Variants in KIAA1217 observed in about 807,000 individuals in gnomAD.
KIAA1217 encodes the protein sickle tail protein homolog.
In KIAA1217, 88 loss-of-function variants were observed where a neutral mutation model predicts 163.9. The ratio of observed to expected loss-of-function variants is 0.54; its 90% CI spans 0.45 to 0.64. KIAA1217 has a LOEUF of 0.64. KIAA1217 is among the 30% of genes least tolerant of loss of function. The pLI is 0.00. For missense variants in KIAA1217, 2,372 were observed against 2,475.0 expected (o/e 0.96, Z 0.88); for synonymous variants, 903 against 923.1 (o/e 0.98, Z 0.39).
chr10:23,819,708 A>G (rs1398401988), intron 1 of KIAA1217, among the ~76,000 whole-genome samples: 1 of 152,218 alleles, frequency 6.6e-6, no homozygotes, highest in African/African-American at 2.4e-5. Flanking sequence ...GCCATTGTAC[A>G]TGGCAATTTG....
At chr10:24,004,893 T>C (rs1202179027) in intron 1 of KIAA1217, among the ~76,000 whole-genome samples, 1 of 152,182 alleles carries the variant, frequency 6.6e-6, no homozygotes, top group East Asian at 1.9e-4. Flanking sequence ...CTGTAAGCTG[T>C]GGAACCAGGA....
intron 2 of KIAA1217, among the ~76,000 whole-genome samples, chr10:24,299,365 A>C (rs2041015489): frequency 2.6e-5 from 4 of 152,116 alleles, no homozygotes. Flanking sequence ...CAAATATCAC[A>C]ATCCTGTAGC....
intron 1 of KIAA1217, among the ~76,000 whole-genome samples, chr10:23,974,062 A>G (rs568280147): frequency 2.9e-4 from 44 of 152,330 alleles, no homozygotes; most frequent in African/African-American, 1.1e-3. Flanking sequence ...ATTTGTATTG[A>G]TTATGCATCT....
chr10:24,193,093 AT>A (rs1589846446), intron 2 of KIAA1217, among the ~76,000 whole-genome samples: 1 of 151,874 alleles, frequency 6.6e-6, no homozygotes, highest in Non-Finnish European at 1.5e-5. Context: ...ATTAAAAAAA[AT>A]TTTTTTGAGA....
chr10:24,410,904 A>G (rs916681374), intron 3 of KIAA1217, among the ~76,000 whole-genome samples: 9 of 152,190 alleles, frequency 5.9e-5, no homozygotes, highest in Non-Finnish European at 1.3e-4. Context: ...TCTGTTTCTC[A>G]CAGTCCTTCG....
chr10:23,849,352 A>G (rs900355818), intron 1 of KIAA1217, among the ~76,000 whole-genome samples: 1 of 152,114 alleles, frequency 6.6e-6, no homozygotes, highest in South Asian at 2.1e-4. Flanking sequence ...CAGAGCTTCA[A>G]TATCTGCTAG....
chr10:24,372,904 G>C (rs550205840), intron 2 of KIAA1217, among the ~76,000 whole-genome samples: 1 of 152,240 alleles, frequency 6.6e-6, no homozygotes, highest in South Asian at 2.1e-4. Context: ...TCCAGTACAA[G>C]AACTACCACT....
chr10:23,758,683 T>C (rs1834061009), intron 1 of KIAA1217, among the ~76,000 whole-genome samples: 1 of 109,732 alleles, frequency 9.1e-6, no homozygotes, highest in Non-Finnish European at 1.7e-5. Context: ...TCTTTCTTTC[T>C]TTCTTTTTTT....
At chr10:24,433,289 T>A in intron 4 of KIAA1217, 96 bp downstream of exon 4, 1 of 848,774 alleles carries the variant, frequency 1.2e-6, no homozygotes, top group Non-Finnish European at 1.8e-6. Flanking sequence ...TTACCCACTA[T>A]ATTGCATTTA....
chr10:24,104,485 A>C (rs1392280688), intron 2 of KIAA1217, among the ~76,000 whole-genome samples: 1 of 152,220 alleles, frequency 6.6e-6, no homozygotes, highest in Admixed American at 6.5e-5. Context: ...AAAGTAAAAA[A>C]AAGATCAGTG....
chr10:24,069,751 A>G (rs1439345869), intron 2 of KIAA1217, among the ~76,000 whole-genome samples: 3 of 152,244 alleles, frequency 2.0e-5, no homozygotes, highest in Admixed American at 2.0e-4. Flanking sequence ...TGTATCCATG[A>G]AGCTAAGAAA....
At chr10:23,853,904 T>C (rs1389580487) in intron 1 of KIAA1217, among the ~76,000 whole-genome samples, 1 of 152,206 alleles carries the variant, frequency 6.6e-6, no homozygotes, top group African/African-American at 2.4e-5. Context: ...TTCTTCTCTC[T>C]TTTCTTCTTT....
intron 2 of KIAA1217, among the ~76,000 whole-genome samples, chr10:24,124,321 G>A (rs1370442903): frequency 2.0e-5 from 3 of 152,008 alleles, no homozygotes; most frequent in Non-Finnish European, 4.4e-5. Flanking sequence ...ATGTTGGACA[G>A]CTTACTTGTT....
intron 4 of KIAA1217, among the ~76,000 whole-genome samples, chr10:24,437,843 G>GT (rs200060214): frequency 0.23 from 20,048 of 88,050 alleles, 1,864 homozygotes; most frequent in Middle Eastern, 0.38. Flanking sequence ...TTTTGGTACT[G>GT]TTTTTTTTTT....
intron 2 of KIAA1217, among the ~76,000 whole-genome samples, chr10:24,313,536 C>T (rs183729947): frequency 6.6e-6 from 1 of 152,196 alleles, no homozygotes; most frequent in East Asian, 1.9e-4. Flanking sequence ...GGGGTTAGCG[C>T]CAGATGGAGT....
intron 2 of KIAA1217, among the ~76,000 whole-genome samples, chr10:24,285,616 T>C (rs1014635410): frequency 1.2e-4 from 18 of 152,244 alleles, no homozygotes; most frequent in South Asian, 2.1e-4. Flanking sequence ...TACTGTAGCC[T>C]TGTAGTATAG....
In KIAA1217 at chr10:24,397,932, C is replaced by T. The variant is rs567042156; in HGVS notation, c.553+16865C>T. Among the ~76,000 whole-genome samples the T allele has an allele frequency of 2.2e-4, 33 of 152,282 alleles. No homozygotes were observed. In the South Asian group the frequency reaches 6.6e-3, roughly 31 times the overall value. ...GGATCATCTCATCTGGGTTCCTTTA[C>T]TTACCTTGTCTGTGACATTGGGCAA... On this transcript the variant is annotated intron_variant, in intron 3 of 20. Transcript: ENST00000376454.
chr10:24,320,033 C>T (rs2043934499), intron 2 of KIAA1217, among the ~76,000 whole-genome samples: 1 of 152,062 alleles, frequency 6.6e-6, no homozygotes, highest in Non-Finnish European at 1.5e-5. Context: ...TTGCAATTAC[C>T]ATCGTCTAGT....
intron 1 of KIAA1217, among the ~76,000 whole-genome samples, chr10:23,743,539 G>A (rs1366528142): frequency 6.6e-6 from 1 of 152,080 alleles, no homozygotes; most frequent in Non-Finnish European, 1.5e-5. Flanking sequence ...TTGCTCTAAG[G>A]GATGAAGGAT....
Sources: gnomAD v4.1 joint callset for allele counts (sites outside exome capture counted in the v4.1 genomes callset) on GRCh38, gnomAD v4.1.1 for gene constraint, MANE v1.5 for transcripts, NCBI Gene and HGNC (gene_info 2026-07-23, HGNC 2026-07-21) for gene names.